TCP1: variants seen among roughly 807,000 people sequenced by gnomAD.
The protein encoded by TCP1 is t-complex 1.
In TCP1, 6 loss-of-function variants were observed where a neutral mutation model predicts 54.7. That is an observed-to-expected ratio of 0.11 (90% CI 0.06 to 0.22). The LOEUF (loss-of-function observed/expected upper bound fraction) is 0.22, where lower values mean the gene tolerates loss of function less well. Ranked by LOEUF, TCP1 falls within the 10% of genes least tolerant of loss-of-function variation. The pLI is 1.00. For synonymous variants in TCP1, 225 were observed against 229.7 expected (o/e 0.98, Z 0.19); for missense variants, 511 against 678.2 (o/e 0.75, Z 2.74).
In TCP1 at chr6:159,789,427, C is replaced by A. The variant is rs1300591325; in HGVS notation, c.42G>T (p.Gly14=). ...PLSVFGDRST[G]ETIRSQNVMA... ...TACCGTTTTGGGAGCGGATCGTTTC[C>A]CCAGTGCTGCGGTCACCGAACACGG... The change falls in exon 1 of 12, where the codon GGG becomes GGT. Residue 14 remains glycine, a synonymous_variant. Coordinates refer to ENST00000321394, the MANE Select transcript of TCP1 (RefSeq NM_030752.3). 6.2e-7 allele frequency: 1 copy of A among 1,613,880 alleles called. No homozygotes were observed. Among genetic ancestry groups the A allele is most frequent in the Non-Finnish European group, 8.5e-7 (1 of 1,179,862 alleles).
chr6:159,787,920 A>G, intron 2 of TCP1, 49 bp from the exon 3 acceptor site: 2 of 1,610,756 alleles, frequency 1.2e-6, no homozygotes, highest in Non-Finnish European at 1.7e-6. Context: ...AAATCAACAC[A>G]GCCCCATTAT....
At chr6:159,788,265 C>CT (rs1780746587) in intron 1 of TCP1, 122 bp from the exon 2 acceptor site, 1 of 913,722 alleles carries the variant, frequency 1.1e-6, no homozygotes. Flanking sequence ...ATCTACAAAT[C>CT]TGTGTTAATT....
chr6:159,788,178 A>G (rs1335334032), intron 1 of TCP1, 35 bp from the exon 2 acceptor site: 1 of 1,596,006 alleles, frequency 6.3e-7, no homozygotes, highest in East Asian at 2.2e-5. Context: ...AAAAGAAATG[A>G]GGATAAGCCA....
Position 159,778,654 on chromosome 6 carries a change from G to GC in TCP1, c.*390_*391insG. On this transcript the variant is annotated 3_prime_UTR_variant, in exon 12 of 12. Coordinates refer to ENST00000321394, the MANE Select transcript of TCP1 (RefSeq NM_030752.3). ...AAACAATCTAAATCTTTTCTCCCCC[G>GC]TTAGGTCAATATTGAAGGAGGGGCT... 2 of 1,613,498 alleles carry GC rather than the reference G, an allele frequency of 1.2e-6. No individual in the cohort carries two copies. Among genetic ancestry groups the GC allele is most frequent in the East Asian group, 4.5e-5 (2 of 44,868 alleles).
intron 7 of TCP1, among the ~76,000 whole-genome samples, chr6:159,783,522 G>A (rs530242609): frequency 9.2e-5 from 14 of 151,764 alleles, no homozygotes; most frequent in African/African-American, 3.4e-4. Flanking sequence ...GCGATTACAG[G>A]CATGAGCCAC....
At chr6:159,788,240 C>T (rs1780745554) in intron 1 of TCP1, 97 bp from the exon 2 acceptor site, 1 of 1,078,378 alleles carries the variant, frequency 9.3e-7, no homozygotes, top group Admixed American at 2.1e-5. Flanking sequence ...ATCCAACAGC[C>T]CCCGTATTTC....
Position 159,778,539 on chromosome 6 carries a change from A to G in TCP1, c.*506T>C. The G allele has an allele frequency of 8.7e-7, 1 of 1,144,190 alleles. No homozygotes were observed. Among genetic ancestry groups the G allele is most frequent in the Non-Finnish European group, 1.2e-6 (1 of 813,064 alleles). 70.9% of individuals were successfully genotyped at this position (1,144,190 alleles called of 1,614,324 possible). On this transcript the variant is annotated 3_prime_UTR_variant, in exon 12 of 12. Coordinates refer to ENST00000321394, the MANE Select transcript of TCP1 (RefSeq NM_030752.3). ...TGTAAATTTATTCCTAAGCAGTTAA[A>G]ATGAAAATTTGAGTTTGAAAGGGTA...
chr6:159,781,570 C>T (rs989199035), intron 7 of TCP1, among the ~76,000 whole-genome samples: 8 of 152,096 alleles, frequency 5.3e-5, no homozygotes, highest in Non-Finnish European at 1.2e-4. Context: ...GTCAGGAGTT[C>T]GAGACCAACC....
chr6:159,780,328 T>A, intron 9 of TCP1, 115 bp downstream of exon 9: 1 of 1,482,542 alleles, frequency 6.7e-7, no homozygotes, highest in Non-Finnish European at 9.4e-7. Flanking sequence ...TTTTATCCCA[T>A]GCGTATAACT....
chr6:159,785,360 A>C, intron 5 of TCP1, 26 bp downstream of exon 5: 1 of 1,576,118 alleles, frequency 6.3e-7, no homozygotes, highest in Non-Finnish European at 8.7e-7. Context: ...AAAAGTCTAA[A>C]TTTTATCTGA....
intron 3 of TCP1, among the ~76,000 whole-genome samples, chr6:159,787,003 G>C (rs1780713164): frequency 6.7e-6 from 1 of 149,602 alleles, no homozygotes; most frequent in African/African-American, 2.5e-5. Flanking sequence ...CAGCACTACA[G>C]AGGCCGAGAA....
Position 159,779,272 on chromosome 6 carries a change from GAA to G in TCP1, c.1455-13_1455-12del. On this transcript the variant is annotated splice_polypyrimidine_tract_variant and intron_variant, in intron 11 of 11. Transcript: ENST00000321394. ...AAATCAAGACCAATCCTGCAATTAA[GAA>G]AGAATTATTTAACGGCCGCTTACAA... The G allele has an allele frequency of 6.2e-7, 1 of 1,608,454 alleles. No individual in the cohort carries two copies.
At chr6:159,780,363 G>A in intron 9 of TCP1, 80 bp downstream of exon 9, 1 of 1,597,866 alleles carries the variant, frequency 6.3e-7, no homozygotes, top group Non-Finnish European at 8.6e-7. Context: ...GAGACTACAA[G>A]CAGCAAATAA....
Position 159,788,162 on chromosome 6 carries a change from A to G in TCP1, c.65-19T>C. 6.2e-7 allele frequency: 1 copy of G among 1,611,972 alleles called. No homozygotes were observed. Among genetic ancestry groups the G allele is most frequent in the Non-Finnish European group, 8.5e-7 (1 of 1,178,730 alleles). ...GCCATAACTGTAGACAATCAATTAAAAATAAAAAAGAAATGAGGATAAGCC... is the reference window on the plus strand; with the variant it reads ...GCCATAACTGTAGACAATCAATTAAGAATAAAAAAGAAATGAGGATAAGCC... On this transcript the variant is annotated intron_variant, in intron 1 of 11. Transcript: ENST00000321394.
intron 7 of TCP1, among the ~76,000 whole-genome samples, chr6:159,781,341 G>C (rs1435118854): frequency 6.6e-6 from 1 of 152,178 alleles, no homozygotes; most frequent in South Asian, 2.1e-4. Context: ...TGGTTAAACA[G>C]GGAACACAGG....
rs1027866256 is a variant in TCP1, at chr6:159,789,541, G to A, written c.-73C>T. On this transcript the variant is annotated 5_prime_UTR_variant, in exon 1 of 12. Coordinates refer to ENST00000321394, the MANE Select transcript of TCP1 (RefSeq NM_030752.3). ...CAGTATCGCGGCCCCTCGGCCGACCGGCGACCACAGCAGTGGCTGCGACGG... is the reference window on the plus strand; with the variant it reads ...CAGTATCGCGGCCCCTCGGCCGACCAGCGACCACAGCAGTGGCTGCGACGG... 6.4e-7 allele frequency: 1 copy of A among 1,569,724 alleles called. No individual in the cohort carries two copies. Among genetic ancestry groups the A allele is most frequent in the Non-Finnish European group, 8.7e-7 (1 of 1,148,062 alleles).
Position 159,779,016 on chromosome 6 carries a change from A to G in TCP1, c.*29T>C. The stretch of plus-strand genomic sequence containing the variant: ...TCAAGGTACAAGACAATTGCATTTA[A>G]CATTGTTATAAATAAAAGGAACATC... On this transcript the variant is annotated 3_prime_UTR_variant, in exon 12 of 12. Transcript: ENST00000321394. 6.3e-7 allele frequency: 1 copy of G among 1,598,850 alleles called. No homozygotes were observed. Among genetic ancestry groups the G allele is most frequent in the African/African-American group, 1.3e-5 (1 of 74,544 alleles).
At chr6:159,786,148 G>A (rs1023496213) in intron 3 of TCP1, 151 bp from the exon 4 acceptor site, 20 of 611,070 alleles carry the variant, frequency 3.3e-5, no homozygotes, top group African/African-American at 1.7e-4. Flanking sequence ...CGTGAAGGGA[G>A]AAGAACGCTA....
chr6:159,789,492 A>G lies in TCP1; in HGVS notation c.-24T>C, dbSNP rs1221160789. On this transcript the variant is annotated 5_prime_UTR_variant, in exon 1 of 12. Transcript: ENST00000321394. The stretch of plus-strand genomic sequence containing the variant: ...ATCTTGACGGCAGCGATACACGTCG[A>G]ATTCTGCTTACACCGCGGGCAACCA... 1.9e-6 allele frequency: 3 copies of G among 1,613,560 alleles called. No homozygotes were observed. Among genetic ancestry groups the G allele is most frequent in the Non-Finnish European group, 2.5e-6 (3 of 1,179,786 alleles).
Sources: allele counts gnomAD v4.1 joint callset (sites outside exome capture counted in the v4.1 genomes callset), GRCh38; gene constraint gnomAD v4.1.1; transcripts MANE v1.5; gene names NCBI Gene and HGNC (gene_info 2026-07-23, HGNC 2026-07-21).